Variants in SPOCK3 observed in about 807,000 individuals in gnomAD.
The protein encoded by SPOCK3 is testican-3.
A neutral mutation model predicts 56.6 loss-of-function variants in SPOCK3; 30 were observed. That is an observed-to-expected ratio of 0.53 (90% CI 0.40 to 0.72). The LOEUF is 0.72. Among genes scored for constraint, SPOCK3 ranks in the 30% least tolerant of loss-of-function variants. The pLI, the probability that SPOCK3 is intolerant of heterozygous loss-of-function variation, is 0.00. For synonymous variants in SPOCK3, 196 were observed against 183.3 expected (o/e 1.07, Z -0.56); for missense variants, 527 against 530.0 (o/e 0.99, Z 0.06).
intron 2 of SPOCK3, among the ~76,000 whole-genome samples, chr4:167,200,449 T>C (rs772872900): frequency 1.1e-4 from 16 of 152,142 alleles, no homozygotes; most frequent in Non-Finnish European, 2.2e-4. Context: ...CAAGGAGTAC[T>C]ATACTGAAAA....
intron 6 of SPOCK3, among the ~76,000 whole-genome samples, chr4:166,885,130 G>A (rs1181601550): frequency 6.6e-6 from 1 of 151,744 alleles, no homozygotes; most frequent in East Asian, 1.9e-4. Flanking sequence ...TAATCTTAGA[G>A]GGATTCTTTT....
At chr4:167,081,263 T>A (rs1350216535) in intron 2 of SPOCK3, among the ~76,000 whole-genome samples, 1 of 152,002 alleles carries the variant, frequency 6.6e-6, no homozygotes, top group Non-Finnish European at 1.5e-5. Flanking sequence ...GTGAATAATA[T>A]CACCTTTGCT....
chr4:167,000,476 C>G lies in SPOCK3; in HGVS notation c.236-13G>C. On this transcript the variant is annotated splice_polypyrimidine_tract_variant and intron_variant, in intron 3 of 10. Coordinates refer to ENST00000357545, the MANE Select transcript of SPOCK3 (RefSeq NM_001040159.2). Reference sequence around the variant, plus strand: ...GCTGGATCTAAAGCTAAAAAAATTGCAAAGAAAATATTAAAATAAGCTTCT... The same window carrying G: ...GCTGGATCTAAAGCTAAAAAAATTGGAAAGAAAATATTAAAATAAGCTTCT... 1 of 1,337,180 alleles carries G rather than the reference C, an allele frequency of 7.5e-7. No individual in the cohort carries two copies. The allele number at this position is 1,337,180 out of a possible 1,614,324, so 82.8% of individuals were successfully genotyped here.
rs185565725 is a variant in SPOCK3 at position 166,957,362 on chromosome 4, T to C, written c.350+42987A>G. Among the ~76,000 whole-genome samples the C allele has an allele frequency of 1.9e-3, 291 of 152,336 alleles. 2 individuals carry two copies. Among genetic ancestry groups the C allele is most frequent in the Non-Finnish European group, 8.7e-4 (59 of 68,036 alleles). On this transcript the variant is annotated intron_variant, in intron 4 of 10. Transcript: ENST00000357545. ...AAGTGGGCCCTGAACTCATGCATTA[T>C]TTTCCTGCAACACTGACTCTTCACT...
At chr4:167,022,354 C>A (rs559852588) in intron 3 of SPOCK3, among the ~76,000 whole-genome samples, 1 of 152,136 alleles carries the variant, frequency 6.6e-6, no homozygotes. Flanking sequence ...AAAGCCTGAC[C>A]GGAGTAAACC....
At chr4:166,820,686 T>C (rs2126759636) in intron 6 of SPOCK3, among the ~76,000 whole-genome samples, 1 of 151,824 alleles carries the variant, frequency 6.6e-6, no homozygotes, top group East Asian at 2.0e-4. Context: ...TAGCCAGGTG[T>C]GTTGGTGTGT....
intron 2 of SPOCK3, among the ~76,000 whole-genome samples, chr4:167,130,408 A>G (rs1333245515): frequency 6.6e-6 from 1 of 152,186 alleles, no homozygotes; most frequent in Non-Finnish European, 1.5e-5. Context: ...AATATATGGA[A>G]TATAAGAATA....
intron 2 of SPOCK3, among the ~76,000 whole-genome samples, chr4:167,118,095 T>C (rs1463627465): frequency 6.6e-6 from 1 of 152,190 alleles, no homozygotes. Context: ...ATCTCCTGCT[T>C]GAAAAGTTCT....
At chr4:167,122,243 C>T (rs1361441726) in intron 2 of SPOCK3, among the ~76,000 whole-genome samples, 1 of 151,886 alleles carries the variant, frequency 6.6e-6, no homozygotes. Flanking sequence ...ACAGATTTGG[C>T]TTCCCTGGGC....
intron 6 of SPOCK3, among the ~76,000 whole-genome samples, chr4:166,793,310 G>A (rs1184953156): frequency 6.6e-6 from 1 of 152,098 alleles, no homozygotes; most frequent in African/African-American, 2.4e-5. Flanking sequence ...GTAATTGGAT[G>A]TAATACCATC....
At chr4:167,000,504 A>T in intron 3 of SPOCK3, 41 bp from the exon 4 acceptor site, 1 of 966,816 alleles carries the variant, frequency 1.0e-6, no homozygotes. Context: ...AAGCTTCTGT[A>T]AAATGGAGGT....
chr4:167,039,350 T>C lies in SPOCK3; in HGVS notation c.235+23142A>G, dbSNP rs925088934. 4.6e-5 allele frequency among the ~76,000 whole-genome samples: 7 copies of C among 152,224 alleles called. No homozygotes were observed. In the South Asian group the frequency reaches 8.3e-4, roughly 18 times the overall value. On this transcript the variant is annotated intron_variant, in intron 3 of 10. Coordinates refer to ENST00000357545, the MANE Select transcript of SPOCK3 (RefSeq NM_001040159.2). ...CATAAGCACAGGAGGTTAAGACTTA[T>C]GTGTATCTTCTGCGGGGACATAACT... is the stretch of plus-strand genomic sequence containing the variant.
chr4:167,125,191 T>TTTA (rs1554040379), intron 2 of SPOCK3, among the ~76,000 whole-genome samples: 6 of 142,492 alleles, frequency 4.2e-5, no homozygotes, highest in Admixed American at 2.1e-4. Context: ...CACAGAGATT[T>TTTA]TTTATTTATT....
At chr4:166,893,623 A>G (rs567895648) in intron 5 of SPOCK3, among the ~76,000 whole-genome samples, 1 of 152,180 alleles carries the variant, frequency 6.6e-6, no homozygotes, top group Non-Finnish European at 1.5e-5. Flanking sequence ...GCACTATTTT[A>G]TAGTTCTAAT....
Position 166,734,882 on chromosome 4 carries a change from A to G in SPOCK3, c.*39T>C, listed in dbSNP as rs777534790. ...TAAATAGGCTATCATTTTTGTAAAT[A>G]TTAGAAATGTAGAATTTATTGATTT... is the stretch of plus-strand genomic sequence containing the variant. On this transcript the variant is annotated 3_prime_UTR_variant, in exon 11 of 11. Transcript: ENST00000357545. The G allele has an allele frequency of 2.8e-6, 4 of 1,420,414 alleles. No individual in the cohort carries two copies. In the South Asian group the frequency reaches 4.4e-5, roughly 16 times the overall value. The allele number at this position is 1,420,414 out of a possible 1,614,324, so 88.0% of individuals were successfully genotyped here.
intron 2 of SPOCK3, among the ~76,000 whole-genome samples, chr4:167,129,569 CT>C (rs146178967): frequency 0.017 from 2,559 of 151,110 alleles, 73 homozygotes; most frequent in African/African-American, 0.059. Flanking sequence ...CTGTTTCTTT[CT>C]TTTTTTTTCA....
At chr4:167,102,919 G>C (rs1685020713) in intron 2 of SPOCK3, among the ~76,000 whole-genome samples, 1 of 82,450 alleles carries the variant, frequency 1.2e-5, no homozygotes, top group African/African-American at 4.9e-5. Context: ...AATATAGCTT[G>C]CAGAAAAAAA....
At chr4:167,131,977 T>A (rs35250002) in intron 2 of SPOCK3, among the ~76,000 whole-genome samples, 3,243 of 152,316 alleles carry the variant, frequency 0.021, 73 homozygotes, top group Middle Eastern at 0.068. Flanking sequence ...AGCCCAGGTA[T>A]TTATATTTGA....
At chr4:166,764,320 C>T (rs1322358864) in intron 7 of SPOCK3, among the ~76,000 whole-genome samples, 1 of 152,096 alleles carries the variant, frequency 6.6e-6, no homozygotes, top group Admixed American at 6.6e-5. Context: ...GGGTATATCT[C>T]CTAATGCTTT....
Sources: allele counts gnomAD v4.1 joint callset (sites outside exome capture counted in the v4.1 genomes callset), GRCh38; gene constraint gnomAD v4.1.1; transcripts MANE v1.5; gene names NCBI Gene and HGNC (gene_info 2026-07-23, HGNC 2026-07-21).